The following ERBB3 variants were observed in gnomAD, a reference collection of about 807,000 sequenced individuals.
The protein encoded by ERBB3 is erb-b2 receptor tyrosine kinase 3.
A neutral mutation model predicts 156.7 loss-of-function variants in ERBB3; 96 were observed. The observed-to-expected ratio is 0.61, with a 90% CI of 0.52 to 0.73. ERBB3 has a LOEUF of 0.73. Among genes scored for constraint, ERBB3 ranks in the 30% least tolerant of loss-of-function variants. The probability of loss-of-function intolerance (pLI) is 0.00; values close to 1 mark genes in which losing one functional copy is unlikely to be tolerated. For synonymous variants in ERBB3, 567 were observed against 632.0 expected (o/e 0.90, Z 1.54); for missense variants, 1,406 against 1,709.4 (o/e 0.82, Z 3.13).
chr12:56,091,651 C>T (rs1337114020), intron 9 of ERBB3, among the ~76,000 whole-genome samples: 1 of 151,894 alleles, frequency 6.6e-6, no homozygotes, highest in South Asian at 2.1e-4. Flanking sequence ...TTGATAAGAA[C>T]ACCACAGAGG....
intron 26 of ERBB3, 122 bp from the exon 27 acceptor site, chr12:56,100,939 C>CAA (rs10536745): frequency 9.5e-3 from 2,846 of 298,222 alleles, no homozygotes; most frequent in African/African-American, 0.016. Flanking sequence ...GACTCCACCT[C>CAA]AAAAAAAAAA....
In ERBB3 at chr12:56,101,072, T is replaced by C; in HGVS notation, c.3213T>C (p.Val1071=). Residue 1071 remains valine, a synonymous_variant, in exon 27 of 28, where the codon GTT becomes GTC. Coordinates refer to ENST00000267101, the MANE Select transcript of ERBB3 (RefSeq NM_001982.4). ...NLGESCQESA[V]SGSSERCPRP... ...ATTTTCTTCCTTAGGAGTCTGCAGT[T>C]TCTGGGAGCAGTGAACGGTGCCCCC... 1 of 1,614,018 alleles carries C rather than the reference T, an allele frequency of 6.2e-7. No homozygotes were observed. Among genetic ancestry groups the C allele is most frequent in the Non-Finnish European group, 8.5e-7 (1 of 1,179,956 alleles).
intron 21 of ERBB3, 168 bp downstream of exon 21, chr12:56,098,108 C>A: frequency 1.4e-6 from 1 of 706,536 alleles, no homozygotes; most frequent in Non-Finnish European, 2.3e-6. Context: ...AAATAATGAT[C>A]AAGAACTTGG....
At position 56,086,540 on chromosome 12, in the gene ERBB3, CA is replaced by C. The variant is rs781058680; in HGVS notation, c.432del (p.Gly146ValfsTer22). On this transcript the variant is annotated frameshift_variant, in exon 4 of 28. Coordinates refer to ENST00000267101, the MANE Select transcript of ERBB3 (RefSeq NM_001982.4). LOFTEE classifies it high-confidence loss of function. ...LRLTQLTEIL[S>X]GGVYIEKNDK... ...TCTTTCCCTACCTCAGAGATTCTGT[CA>C]GGGGGTGTTTATATTGAGAAGAACG... 2.5e-6 allele frequency: 4 copies of C among 1,614,114 alleles called. No individual in the cohort carries two copies. In the Admixed American group the frequency reaches 6.7e-5, roughly 27 times the overall value.
Position 56,080,347 on chromosome 12 carries a change from TG to T in ERBB3, c.49del (p.Ala17ProfsTer17). 6.3e-7 allele frequency: 1 copy of T among 1,593,654 alleles called. No individual in the cohort carries two copies. The highest frequency in any genetic ancestry group is 8.6e-7 in the Non-Finnish European group (1 of 1,169,362). ...ALQVLGLLFS[L>X]ARGSEVGNSQ... ...CAGGTGCTGGGCTTGCTTTTCAGCC[TG>T]GCCCGGGGCTCCGAGGTGGGCAACT... On this transcript the variant is annotated frameshift_variant, in exon 1 of 28. Transcript: ENST00000267101. LOFTEE classifies it high-confidence loss of function.
rs973943221 is a variant in ERBB3, at chr12:56,103,204, T to G, written c.*1149T>G. On this transcript the variant is annotated 3_prime_UTR_variant, in exon 28 of 28. Coordinates refer to ENST00000267101, the MANE Select transcript of ERBB3 (RefSeq NM_001982.4). The stretch of plus-strand genomic sequence containing the variant: ...GACATCTCATCTCAGGAAGTGGTGG[T>G]GGGGGTAGTCAGAAGGAAAAATAAC... The G allele has an allele frequency of 4.3e-6, 1 of 230,170 alleles. No individual in the cohort carries two copies. The highest frequency in any genetic ancestry group is 5.7e-5 in the Admixed American group (1 of 17,680). The allele number at this position is 230,170 out of a possible 1,614,324, so 14.3% of individuals were successfully genotyped here.
At chr12:56,097,363 C>T in intron 20 of ERBB3, 133 bp downstream of exon 20, 1 of 823,872 alleles carries the variant, frequency 1.2e-6, no homozygotes, top group Middle Eastern at 3.4e-4. Flanking sequence ...CAGTCCATGG[C>T]CTGTTAGGAA....
At chr12:56,096,382 C>T (rs560668114) in intron 17 of ERBB3, 121 bp from the exon 18 acceptor site, 58 of 1,219,718 alleles carry the variant, frequency 4.8e-5, no homozygotes, top group African/African-American at 8.9e-5. Context: ...CCAGGACTAA[C>T]GGTGCTTCCT....
At position 56,098,783 on chromosome 12, in the gene ERBB3, C is replaced by G. The variant is rs371250480; in HGVS notation, c.2717C>G (p.Thr906Ser). The G allele has an allele frequency of 3.0e-5, 48 of 1,614,002 alleles. No individual in the cohort carries two copies. The highest frequency in any genetic ancestry group is 4.1e-5 in the Non-Finnish European group (48 of 1,180,010). Residue 906 changes from threonine (T) to serine (S), a missense_variant, in exon 23 of 28, where the codon ACC becomes AGC. Thr to Ser is a moderately conservative substitution (Grantham distance 58, BLOSUM62 1). Around this residue, in one of 3 missense-constraint regions of ERBB3, gnomAD observed 979 missense variants for 1,219.6 expected, o/e 0.80. Coordinates refer to ENST00000267101, the MANE Select transcript of ERBB3 (RefSeq NM_001982.4). ...GGTGTGACAGTTTGGGAGTTGATGACCTTCGGGGCAGAGCCCTATGCAGGG... is the reference window on the plus strand; with the variant it reads ...GGTGTGACAGTTTGGGAGTTGATGAGCTTCGGGGCAGAGCCCTATGCAGGG... ...SYGVTVWELM[T>S]FGAEPYAGLR...
Position 56,102,005 on chromosome 12 carries a change from G to A in ERBB3, c.3979G>A (p.Asp1327Asn), listed in dbSNP as rs1253379676. Residue 1327 changes from aspartate to asparagine, a missense_variant, in exon 28 of 28, where the codon GAT (aspartate) becomes AAT (asparagine). Physicochemically the swap from Asp to Asn is conservative, Grantham distance 23 (BLOSUM62 1). Transcript: ENST00000267101. ...EATDSAFDNP[D>N]YWHSRLFPKA... ...TACAGACTCTGCCTTTGATAACCCT[G>A]ATTACTGGCATAGCAGGCTTTTCCC... The A allele has an allele frequency of 6.2e-7, 1 of 1,613,190 alleles. No individual in the cohort carries two copies. Among genetic ancestry groups the A allele is most frequent in the Non-Finnish European group, 8.5e-7 (1 of 1,179,992 alleles).
rs2136795019 is a variant in ERBB3 at position 56,088,046 on chromosome 12, G to C, written c.758G>C (p.Gly253Ala). 3.7e-6 allele frequency: 6 copies of C among 1,614,146 alleles called. No individual in the cohort carries two copies. Among genetic ancestry groups the C allele is most frequent in the Non-Finnish European group, 5.1e-6 (6 of 1,180,026 alleles). Reference protein sequence around the residue: ...CFACRHFNDSGACVPRCPQPL... With the variant: ...CFACRHFNDSAACVPRCPQPL... ...GCCTGCCGGCACTTCAATGACAGTG[G>C]AGCCTGTGTACCTCGCTGTCCACAG... The change falls in exon 7 of 28, where the codon GGA (glycine) becomes GCA (alanine). Residue 253 changes from glycine to alanine, a missense_variant. Coordinates refer to ENST00000267101, the MANE Select transcript of ERBB3 (RefSeq NM_001982.4).
chr12:56,096,968 G>T, intron 19 of ERBB3, 77 bp from the exon 20 acceptor site: 1 of 1,432,842 alleles, frequency 7.0e-7, no homozygotes. Context: ...GGGGTGGGGG[G>T]GCCTGGGCTG....
At chr12:56,096,904 T>G in intron 19 of ERBB3, 58 bp downstream of exon 19, 4 of 1,462,670 alleles carry the variant, frequency 2.7e-6, no homozygotes, top group Non-Finnish European at 3.8e-6. Flanking sequence ...GATACAATCA[T>G]GTAGAAGCAG....
In ERBB3 at chr12:56,092,800, G is replaced by A. The variant is rs570637025; in HGVS notation, c.1163G>A (p.Arg388Gln). ...ALDPEKLNVF[R>Q]TVREITGYLN... The stretch of plus-strand genomic sequence containing the variant: ...GACCCAGAGAAGCTCAATGTCTTCC[G>A]GACAGTACGGGAGATCACAGGTGAG... Residue 388 changes from arginine to glutamine, a missense_variant, in exon 10 of 28, where the codon CGG (arginine) becomes CAG (glutamine). By Grantham distance (43) the Arg-to-Gln change is conservative. Transcript: ENST00000267101. 57 of 1,614,058 alleles carry A rather than the reference G, an allele frequency of 3.5e-5. No individual in the cohort carries two copies. The Admixed American group carries it at 4.5e-4, about 13-fold the overall frequency.
intron 1 of ERBB3, among the ~76,000 whole-genome samples, 157 bp downstream of exon 1, chr12:56,080,539 G>A (rs1287555506): frequency 6.6e-6 from 1 of 152,224 alleles, no homozygotes; most frequent in African/African-American, 2.4e-5. Flanking sequence ...GTCAGGCTCG[G>A]GTTATCGGCG....
intron 26 of ERBB3, 79 bp from the exon 27 acceptor site, chr12:56,100,981 AT>A: frequency 8.6e-7 from 1 of 1,160,764 alleles, no homozygotes; most frequent in East Asian, 2.6e-5. Context: ...GAACAACCCA[AT>A]ATCCTTCTAA....
intron 1 of ERBB3, among the ~76,000 whole-genome samples, chr12:56,081,332 C>T (rs1450714062): frequency 6.6e-6 from 1 of 152,208 alleles, no homozygotes; most frequent in Non-Finnish European, 1.5e-5. Flanking sequence ...TGAGCCCACC[C>T]CTTTGGGGTG....
Position 56,098,574 on chromosome 12 carries a change from T to C in ERBB3, c.2691T>C (p.Tyr897=). 3 of 1,613,218 alleles carry C rather than the reference T, an allele frequency of 1.9e-6. No homozygotes were observed. The highest frequency in any genetic ancestry group is 2.5e-6 in the Non-Finnish European group (3 of 1,179,098). The change falls in exon 22 of 28, where the codon TAT becomes TAC. Residue 897 remains tyrosine, a splice_region_variant and synonymous_variant. Transcript: ENST00000267101. ...CACACCAGAGTGATGTCTGGAGCTATGGTCAGTGCATCTGGATGCCCTCTC... is the reference window on the plus strand; with the variant it reads ...CACACCAGAGTGATGTCTGGAGCTACGGTCAGTGCATCTGGATGCCCTCTC... ...KYTHQSDVWS[Y]GVTVWELMTF... is the part of the protein sequence containing the mutation.
chr12:56,085,266 C>T (rs776203562), intron 3 of ERBB3, 85 bp downstream of exon 3: 4 of 1,605,612 alleles, frequency 2.5e-6, no homozygotes, highest in South Asian at 2.2e-5. Context: ...AGACTGCTCA[C>T]TCTAAGTGCC....
Sources: allele counts gnomAD v4.1 joint callset (sites outside exome capture counted in the v4.1 genomes callset), GRCh38; gene constraint gnomAD v4.1.1; regional missense constraint gnomAD v4.1.1; transcripts MANE v1.5; gene names NCBI Gene and HGNC (gene_info 2026-07-23, HGNC 2026-07-21).